Variants in MACROD2 observed in about 807,000 individuals in gnomAD.
MACROD2 encodes ADP-ribose glycohydrolase MACROD2.
MACROD2 carries 36 observed loss-of-function variants against 70.4 expected under a neutral mutation model. The observed-to-expected ratio is 0.51, with a 90% CI of 0.39 to 0.68. The LOEUF (loss-of-function observed/expected upper bound fraction) is 0.68. Ranked by LOEUF, MACROD2 falls within the 30% of genes least tolerant of loss-of-function variation. The probability of loss-of-function intolerance (pLI) is 0.00; values close to 1 mark genes in which losing one functional copy is unlikely to be tolerated. For synonymous variants in MACROD2, 172 were observed against 178.8 expected (o/e 0.96, Z 0.30); for missense variants, 496 against 538.4 (o/e 0.92, Z 0.78).
chr20:15,250,502 T>A (rs1305671923), intron 6 of MACROD2, among the ~76,000 whole-genome samples: 2 of 152,196 alleles, frequency 1.3e-5, no homozygotes, highest in Non-Finnish European at 2.9e-5. Flanking sequence ...GGATATAGAT[T>A]CTTGAAAAAA....
intron 4 of MACROD2, among the ~76,000 whole-genome samples, chr20:14,611,507 C>T (rs1211998333): frequency 7.4e-6 from 1 of 135,314 alleles, no homozygotes; most frequent in Admixed American, 7.9e-5. Flanking sequence ...TATATCTCAT[C>T]GTCAAGTAGA....
At chr20:14,023,641 T>A (rs928423053) in intron 2 of MACROD2, among the ~76,000 whole-genome samples, 1 of 152,134 alleles carries the variant, frequency 6.6e-6, no homozygotes, top group Non-Finnish European at 1.5e-5. Context: ...TTCCCAACAC[T>A]GTTTATTAAA....
chr20:14,454,013 A>G (rs2084272670), intron 3 of MACROD2, among the ~76,000 whole-genome samples: 2 of 152,038 alleles, frequency 1.3e-5, no homozygotes, highest in East Asian at 1.9e-4. Flanking sequence ...CCAATAGTGT[A>G]ATAAAAATTC....
chr20:14,742,921 T>C (rs924770251), intron 5 of MACROD2, among the ~76,000 whole-genome samples: 6 of 150,808 alleles, frequency 4.0e-5, no homozygotes, highest in Non-Finnish European at 8.9e-5. Flanking sequence ...CGCCCGCCAC[T>C]ATGCCCGGCT....
At chr20:15,015,973 A>G (rs903782173) in intron 5 of MACROD2, among the ~76,000 whole-genome samples, 5 of 152,134 alleles carry the variant, frequency 3.3e-5, no homozygotes, top group Non-Finnish European at 5.9e-5. Flanking sequence ...TCTTGGAACC[A>G]TTTTCTATTT....
chr20:14,340,043 A>T (rs1386871480), intron 3 of MACROD2, among the ~76,000 whole-genome samples: 1 of 152,222 alleles, frequency 6.6e-6, no homozygotes, highest in African/African-American at 2.4e-5. Flanking sequence ...TGAGGTTATC[A>T]TGAGTTACTT....
At chr20:14,869,053 G>A (rs1009564558) in intron 5 of MACROD2, among the ~76,000 whole-genome samples, 2 of 152,134 alleles carry the variant, frequency 1.3e-5, no homozygotes, top group Non-Finnish European at 2.9e-5. Context: ...TCACAACAGA[G>A]CACCAAACCT....
At chr20:15,348,374 G>A (rs990306548) in intron 6 of MACROD2, among the ~76,000 whole-genome samples, 2 of 152,176 alleles carry the variant, frequency 1.3e-5, no homozygotes, top group Admixed American at 1.3e-4. Context: ...AACTTGTACT[G>A]TATTAAGCCT....
At chr20:15,065,861 A>T (rs1341060805) in intron 5 of MACROD2, among the ~76,000 whole-genome samples, 1 of 152,156 alleles carries the variant, frequency 6.6e-6, no homozygotes, top group Non-Finnish European at 1.5e-5. Flanking sequence ...CTTTTATATT[A>T]ATCAACTGTT....
At chr20:15,710,343 C>G (rs1568987477) in intron 8 of MACROD2, among the ~76,000 whole-genome samples, 1 of 152,108 alleles carries the variant, frequency 6.6e-6, no homozygotes, top group East Asian at 1.9e-4. Flanking sequence ...TCTTTGACTT[C>G]CTAAAATGAC....
At chr20:14,710,717 T>C (rs1057082346) in intron 5 of MACROD2, among the ~76,000 whole-genome samples, 5 of 152,218 alleles carry the variant, frequency 3.3e-5, no homozygotes, top group Non-Finnish European at 7.3e-5. Context: ...ATGTAACTTA[T>C]TATCATTTTT....
At chr20:14,696,466 G>A (rs941822925) in intron 5 of MACROD2, among the ~76,000 whole-genome samples, 3 of 152,142 alleles carry the variant, frequency 2.0e-5, no homozygotes, top group Non-Finnish European at 4.4e-5. Context: ...CGCATATGTT[G>A]TGATGCCCTT....
intron 3 of MACROD2, among the ~76,000 whole-genome samples, chr20:14,161,316 T>A (rs1385542373): frequency 6.6e-6 from 1 of 151,592 alleles, no homozygotes. Flanking sequence ...GCCTCCTAAG[T>A]AGCTGGGATT....
At chr20:15,650,379 C>T (rs79215154) in intron 8 of MACROD2, among the ~76,000 whole-genome samples, 3,019 of 152,286 alleles carry the variant, frequency 0.02, 92 homozygotes, top group African/African-American at 0.067. Flanking sequence ...TGCTGCTTTC[C>T]AGCAACTGAT....
At chr20:14,748,394 A>G (rs1431982451) in intron 5 of MACROD2, among the ~76,000 whole-genome samples, 2 of 152,122 alleles carry the variant, frequency 1.3e-5, no homozygotes, top group South Asian at 2.1e-4. Flanking sequence ...GACAGAGACT[A>G]TGAATTAACC....
At chr20:14,613,317 A>G (rs919214378) in intron 4 of MACROD2, among the ~76,000 whole-genome samples, 5 of 152,118 alleles carry the variant, frequency 3.3e-5, no homozygotes, top group Admixed American at 2.6e-4. Flanking sequence ...TGCTTAAACA[A>G]GATTTATGGA....
At chr20:15,142,609 C>T (rs918393770) in intron 5 of MACROD2, among the ~76,000 whole-genome samples, 14 of 151,792 alleles carry the variant, frequency 9.2e-5, no homozygotes, top group African/African-American at 3.4e-4. Flanking sequence ...TGTGCTGCAC[C>T]CATTAACTCG....
At chr20:14,264,337 G>A (rs1010151965) in intron 3 of MACROD2, among the ~76,000 whole-genome samples, 5 of 152,124 alleles carry the variant, frequency 3.3e-5, no homozygotes, top group Non-Finnish European at 7.4e-5. Context: ...TTAAGATTTT[G>A]GAAGGGGAAC....
At chr20:15,378,301 GGAAA>G (rs1188886278) in intron 6 of MACROD2, among the ~76,000 whole-genome samples, 2 of 126,212 alleles carry the variant, frequency 1.6e-5, no homozygotes, top group Non-Finnish European at 3.5e-5. Context: ...AAAAAAAAAA[GGAAA>G]GAAAGAAGGA....
Sources: gnomAD v4.1 joint callset for allele counts (sites outside exome capture counted in the v4.1 genomes callset) on GRCh38, gnomAD v4.1.1 for gene constraint, MANE v1.5 for transcripts, NCBI Gene and HGNC (gene_info 2026-07-23, HGNC 2026-07-21) for gene names.